The following SPRY3 variants were observed in gnomAD, a reference collection of about 807,000 sequenced individuals.
SPRY3 encodes protein sprouty homolog 3.
SPRY3 carries 15 observed loss-of-function variants against 20.2 expected under a neutral mutation model. The observed-to-expected ratio is 0.74, with a 90% CI of 0.50 to 1.14. The LOEUF (loss-of-function observed/expected upper bound fraction) is 1.14, where lower values mean the gene tolerates loss of function less well. Among genes scored for constraint, SPRY3 ranks in the 50% most tolerant of loss-of-function variants. The probability of loss-of-function intolerance (pLI) is 0.00; values close to 1 mark genes in which losing one functional copy is unlikely to be tolerated. For missense variants in SPRY3, 364 were observed against 363.9 expected, an observed-to-expected ratio of 1.00 and a Z score of 0.00; for synonymous variants, 143 against 136.5, an observed-to-expected ratio of 1.05 and a Z score of -0.33.
chrX:155,751,303 T>G (rs1198275429), intron 2 of SPRY3, among the ~76,000 whole-genome samples: 1 of 151,912 alleles, frequency 6.6e-6, no homozygotes. Flanking sequence ...GAAAAACTGT[T>G]GCTCCTACAA....
intron 1 of SPRY3, among the ~76,000 whole-genome samples, chrX:155,645,552 C>T (rs2067955185): frequency 1.8e-5 from 2 of 111,708 alleles, no homozygotes; most frequent in African/African-American, 6.5e-5. Context: ...TCTCCATGGG[C>T]GAGCATCAGC....
intron 2 of SPRY3, among the ~76,000 whole-genome samples, chrX:155,714,477 C>A (rs1265118049): frequency 1.3e-5 from 2 of 152,150 alleles, no homozygotes; most frequent in Non-Finnish European, 2.9e-5. Flanking sequence ...TACTACCAGG[C>A]AGAGACTCAT....
chrX:155,721,541 T>C (rs996232782), intron 2 of SPRY3, among the ~76,000 whole-genome samples: 2 of 151,824 alleles, frequency 1.3e-5, no homozygotes, highest in Admixed American at 6.6e-5. Flanking sequence ...AAAGAAAGGA[T>C]CCTAAAAGTA....
intron 2 of SPRY3, among the ~76,000 whole-genome samples, chrX:155,712,183 G>A (rs1387317938): frequency 1.3e-5 from 2 of 151,912 alleles, no homozygotes; most frequent in African/African-American, 2.4e-5. Context: ...TGGATGAAAT[G>A]TTCTATAAAT....
intron 2 of SPRY3, among the ~76,000 whole-genome samples, chrX:155,728,109 G>A (rs1431137729): frequency 6.6e-6 from 1 of 152,138 alleles, no homozygotes; most frequent in Non-Finnish European, 1.5e-5. Context: ...CTGTTTGCCT[G>A]GGTATCACCA....
At chrX:155,720,655 G>A (rs2091051570) in intron 2 of SPRY3, among the ~76,000 whole-genome samples, 1 of 152,116 alleles carries the variant, frequency 6.6e-6, no homozygotes, top group South Asian at 2.1e-4. Flanking sequence ...TTTCTGCCTA[G>A]TAATCTAGAG....
At chrX:155,751,956 A>AATAAAATAAT (rs2091265184) in intron 2 of SPRY3, among the ~76,000 whole-genome samples, 1 of 148,318 alleles carries the variant, frequency 6.7e-6, no homozygotes, top group Non-Finnish European at 1.5e-5. Flanking sequence ...AATAAAATAA[A>AATAAAATAAT]ATAAAATAAA....
rs769114368 is a variant in SPRY3, at chrX:155,759,070, C to CTT, written c.-281-8879_-281-8878dup. Among the ~76,000 whole-genome samples, 1,297 of 142,660 alleles carry CTT rather than the reference C, an allele frequency of 9.1e-3. 24 individuals are homozygous for CTT. Among genetic ancestry groups the CTT allele is most frequent in the African/African-American group, 0.032 (1,233 of 39,074 alleles). 93.6% of individuals were successfully genotyped at this position (142,660 alleles called of 152,430 possible). A position where few individuals can be genotyped will look rare whatever the true frequency, so the allele number is the denominator to read the frequency against. On this transcript the variant is annotated intron_variant, in intron 2 of 3. Transcript: ENST00000675360. Reference sequence around the variant, plus strand: ...CTGCTCTCAATGGATCTTATTAATTCTTTTTTTTTTTTTTGACTCTTACAC... The same window carrying CTT: ...CTGCTCTCAATGGATCTTATTAATTCTTTTTTTTTTTTTTTTGACTCTTACAC...
At chrX:155,774,798 G>A (rs2091412956) in exon 4 of SPRY3, 6 of 1,536,278 alleles carry the variant, frequency 3.9e-6, no homozygotes, top group African/African-American at 2.8e-5. Context: ...CAAAGCATAG[G>A]CCTCATCTTT....
chrX:155,659,417 T>A (rs1557353427), intron 2 of SPRY3, among the ~76,000 whole-genome samples: 1 of 110,697 alleles, frequency 9.0e-6, no homozygotes, highest in African/African-American at 3.3e-5. Flanking sequence ...AGTGCTGGGA[T>A]TACAGACGTG....
intron 2 of SPRY3, among the ~76,000 whole-genome samples, chrX:155,749,452 C>A (rs2091248002): frequency 6.6e-6 from 1 of 151,614 alleles, no homozygotes; most frequent in Non-Finnish European, 1.5e-5. Flanking sequence ...GAGAAGGCCT[C>A]TCTGATAAAG....
intron 1 of SPRY3, among the ~76,000 whole-genome samples, chrX:155,644,472 A>G (rs782038726): frequency 9.0e-6 from 1 of 111,031 alleles, no homozygotes; most frequent in Admixed American, 9.6e-5. Flanking sequence ...GGTACCATCC[A>G]GGAGCCAGGT....
chrX:155,655,338 T>C (rs1454284331), intron 1 of SPRY3, among the ~76,000 whole-genome samples: 1 of 111,743 alleles, frequency 8.9e-6, no homozygotes, highest in Non-Finnish European at 1.9e-5. Flanking sequence ...GCTGATTCTT[T>C]TGCTGTGCAG....
At chrX:155,666,867 A>C (rs1180459527) in intron 2 of SPRY3, among the ~76,000 whole-genome samples, 1 of 110,432 alleles carries the variant, frequency 9.1e-6, no homozygotes, top group African/African-American at 3.3e-5. Flanking sequence ...GAGGAGGTTC[A>C]ATATTTAATG....
chrX:155,637,309 G>A (rs1025035908), intron 1 of SPRY3, among the ~76,000 whole-genome samples: 27 of 111,261 alleles, frequency 2.4e-4, no homozygotes, highest in African/African-American at 8.5e-4. Flanking sequence ...ATGCTGTACT[G>A]GTTATTAATA....
chrX:155,664,065 G>A (rs968877939), intron 2 of SPRY3, among the ~76,000 whole-genome samples: 6 of 110,250 alleles, frequency 5.4e-5, no homozygotes, highest in African/African-American at 9.9e-5. Context: ...CATGGAAGAT[G>A]GAGTATCCAT....
chrX:155,652,623 T>A (rs1012034332), intron 1 of SPRY3, among the ~76,000 whole-genome samples: 1 of 112,291 alleles, frequency 8.9e-6, no homozygotes, highest in African/African-American at 3.2e-5. Context: ...TATACATTTA[T>A]CTATTAAGGG....
chrX:155,725,821 A>C, intron 2 of SPRY3, among the ~76,000 whole-genome samples: 1 of 152,110 alleles, frequency 6.6e-6, no homozygotes, highest in Non-Finnish European at 1.5e-5. Context: ...TATCTCCTTC[A>C]GTTCTGCTCT....
At chrX:155,774,655 T>C (rs1229530638) in exon 4 of SPRY3, 1 of 1,613,982 alleles carries the variant, frequency 6.2e-7, no homozygotes. Flanking sequence ...AGGCTGCCGC[T>C]GCAAGAGGCA....
Sources: gnomAD v4.1 joint callset for allele counts (sites outside exome capture counted in the v4.1 genomes callset) on GRCh38, gnomAD v4.1.1 for gene constraint, MANE v1.5 for transcripts, NCBI Gene and HGNC (gene_info 2026-07-23, HGNC 2026-07-21) for gene names.